Variants in ACAP2 observed in about 807,000 individuals in gnomAD.
ACAP2 encodes the protein arf-GAP with coiled-coil, ANK repeat and PH domain-containing protein 2.
A neutral mutation model predicts 115.8 loss-of-function variants in ACAP2; 39 were observed. The observed-to-expected ratio is 0.34, with a 90% CI of 0.26 to 0.44. The LOEUF (loss-of-function observed/expected upper bound fraction) is 0.44. Among genes scored for constraint, ACAP2 ranks in the 20% least tolerant of loss-of-function variants. The probability of loss-of-function intolerance (pLI) is 1.00; values close to 1 mark genes in which losing one functional copy is unlikely to be tolerated. For synonymous variants in ACAP2, 289 were observed against 315.8 expected (o/e 0.92, Z 0.90); for missense variants, 662 against 927.6 (o/e 0.71, Z 3.72).
chr3:195,347,978 C>T (rs1207646542), intron 4 of ACAP2, among the ~76,000 whole-genome samples: 2 of 151,714 alleles, frequency 1.3e-5, no homozygotes, highest in Non-Finnish European at 2.9e-5. Context: ...CGCCACTGCA[C>T]TGCACTCTAG....
chr3:195,308,698 A>T (rs73890762), intron 11 of ACAP2, 88 bp downstream of exon 11: 25 of 1,049,000 alleles, frequency 2.4e-5, no homozygotes, highest in Non-Finnish European at 3.4e-5. Context: ...ATTTTACACA[A>T]ATGAGTATGT....
intron 1 of ACAP2, among the ~76,000 whole-genome samples, chr3:195,393,722 G>A (rs1295731044): frequency 1.3e-5 from 2 of 152,206 alleles, no homozygotes; most frequent in Non-Finnish European, 2.9e-5. Flanking sequence ...GTATGTGTAT[G>A]AGGATATTCA....
At chr3:195,288,194 T>C (rs1726976390) in intron 21 of ACAP2, among the ~76,000 whole-genome samples, 1 of 152,152 alleles carries the variant, frequency 6.6e-6, no homozygotes, top group Non-Finnish European at 1.5e-5. Context: ...ATGGGGAGCA[T>C]GGGCTTTAGG....
rs372573388 is a variant in ACAP2 at position 195,306,633 on chromosome 3, T to C, written c.1011-17A>G. 2,318 of 1,593,300 alleles carry C rather than the reference T, an allele frequency of 1.5e-3. 6 individuals carry two copies. The highest frequency in any genetic ancestry group is 1.8e-3 in the Non-Finnish European group (2,117 of 1,164,728). On this transcript the variant is annotated splice_polypyrimidine_tract_variant and intron_variant, in intron 12 of 22. Transcript: ENST00000326793. ...ATGCAACTTCTAAAAGGAAATAACA[T>C]ATTGTTTTCTCAGACACTAAGTTAA...
chr3:195,371,748 G>A (rs1478824666), intron 4 of ACAP2, among the ~76,000 whole-genome samples: 2 of 152,084 alleles, frequency 1.3e-5, no homozygotes, highest in African/African-American at 4.8e-5. Flanking sequence ...CACCTCCCGG[G>A]CTCAAGCAAT....
At chr3:195,378,091 G>A (rs966090833) in intron 4 of ACAP2, among the ~76,000 whole-genome samples, 4 of 144,494 alleles carry the variant, frequency 2.8e-5, no homozygotes, top group African/African-American at 1.2e-4. Flanking sequence ...AGGAAGGGAG[G>A]AGGAGGAAGG....
intron 10 of ACAP2, 46 bp downstream of exon 10, chr3:195,320,655 A>T (rs775145598): frequency 7.2e-7 from 1 of 1,380,052 alleles, no homozygotes; most frequent in African/African-American, 1.4e-5. Context: ...AAAGTCAGAA[A>T]ATCAAAACTA....
intron 13 of ACAP2, among the ~76,000 whole-genome samples, chr3:195,302,406 T>C (rs1463382919): frequency 1.3e-5 from 2 of 151,994 alleles, no homozygotes; most frequent in African/African-American, 4.8e-5. Context: ...TTATATATAA[T>C]AAATGACACA....
intron 4 of ACAP2, among the ~76,000 whole-genome samples, chr3:195,358,044 C>T (rs1422618583): frequency 1.3e-5 from 2 of 152,130 alleles, no homozygotes; most frequent in African/African-American, 4.8e-5. Flanking sequence ...TCCCTTGACA[C>T]GTGGGGATTA....
intron 1 of ACAP2, among the ~76,000 whole-genome samples, chr3:195,416,875 C>T (rs1183756188): frequency 6.6e-6 from 1 of 151,930 alleles, no homozygotes; most frequent in Non-Finnish European, 1.5e-5. Flanking sequence ...ATTATCCTCA[C>T]TTGTAAAAAC....
chr3:195,368,758 T>A (rs1244644612), intron 4 of ACAP2, among the ~76,000 whole-genome samples: 1 of 152,194 alleles, frequency 6.6e-6, no homozygotes, highest in African/African-American at 2.4e-5. Context: ...AAATTTCATT[T>A]ATAGTAACTC....
At position 195,326,976 on chromosome 3, in the gene ACAP2, G is replaced by C; in HGVS notation, c.670-17C>G. ...TCGATCCAACTGTAAAAAGGGAAAA[G>C]AGAAAACTGCAGACTTAAAAAAAGT... On this transcript the variant is annotated splice_polypyrimidine_tract_variant and intron_variant, in intron 8 of 22. Coordinates refer to ENST00000326793, the MANE Select transcript of ACAP2 (RefSeq NM_012287.6). 1.2e-6 allele frequency: 2 copies of C among 1,609,112 alleles called. No homozygotes were observed. Among genetic ancestry groups the C allele is most frequent in the South Asian group, 1.1e-5 (1 of 90,586 alleles).
intron 14 of ACAP2, 28 bp downstream of exon 14, chr3:195,301,938 A>T (rs1728086889): frequency 1.3e-6 from 2 of 1,599,972 alleles, no homozygotes; most frequent in Non-Finnish European, 1.7e-6. Flanking sequence ...CAAAAGAAGA[A>T]ATTCTCATCC....
chr3:195,373,693 G>A (rs929884444), intron 4 of ACAP2, among the ~76,000 whole-genome samples: 2 of 152,150 alleles, frequency 1.3e-5, no homozygotes, highest in African/African-American at 4.8e-5. Context: ...ACTTTGGGAG[G>A]CCGAGGCGGG....
intron 1 of ACAP2, among the ~76,000 whole-genome samples, chr3:195,441,499 G>T (rs1291575174): frequency 6.6e-6 from 1 of 152,158 alleles, no homozygotes. Context: ...CGCAAAAAGC[G>T]TTCTTAAATT....
intron 6 of ACAP2, among the ~76,000 whole-genome samples, chr3:195,341,535 A>AG (rs1730879514): frequency 6.6e-6 from 1 of 152,010 alleles, no homozygotes; most frequent in Admixed American, 6.5e-5. Flanking sequence ...CGTGTTAGCC[A>AG]GGATGGTCTC....
At chr3:195,281,460 T>C (rs1726507635) in intron 22 of ACAP2, among the ~76,000 whole-genome samples, 1 of 152,184 alleles carries the variant, frequency 6.6e-6, no homozygotes, top group African/African-American at 2.4e-5. Flanking sequence ...TTTTTGTATT[T>C]AGTCTAGGTA....
chr3:195,412,306 G>A (rs1364200303), intron 1 of ACAP2, among the ~76,000 whole-genome samples: 1 of 151,778 alleles, frequency 6.6e-6, no homozygotes, highest in Admixed American at 6.6e-5. Flanking sequence ...TGTGAGCAGG[G>A]TGTGATGGCT....
At chr3:195,436,690 C>T (rs1246517406) in intron 1 of ACAP2, among the ~76,000 whole-genome samples, 1 of 152,018 alleles carries the variant, frequency 6.6e-6, no homozygotes, top group African/African-American at 2.4e-5. Flanking sequence ...ATATCCTCTT[C>T]TGAAATTGAA....
Sources: gnomAD v4.1 joint callset for allele counts (sites outside exome capture counted in the v4.1 genomes callset) on GRCh38, gnomAD v4.1.1 for gene constraint, MANE v1.5 for transcripts, NCBI Gene and HGNC (gene_info 2026-07-23, HGNC 2026-07-21) for gene names.